FAT2: variants seen among roughly 807,000 people sequenced by gnomAD.
FAT2 encodes protocadherin Fat 2.
Under a neutral mutation model 295.3 loss-of-function variants are expected in FAT2, and 150 were observed. The ratio of observed to expected loss-of-function variants is 0.51; its 90% CI spans 0.44 to 0.58. The LOEUF is 0.58. Among genes scored for constraint, FAT2 ranks in the 20% least tolerant of loss-of-function variants. FAT2 has a pLI of 0.00. For missense variants in FAT2, 4,868 were observed against 5,442.7 expected (o/e 0.89, Z 3.32); for synonymous variants, 2,026 against 2,150.3 (o/e 0.94, Z 1.60).
intron 14 of FAT2, among the ~76,000 whole-genome samples, chr5:151,530,538 G>A (rs1011284499): frequency 7.2e-5 from 11 of 152,232 alleles, no homozygotes; most frequent in African/African-American, 2.7e-4. Context: ...AAATGTTAGA[G>A]ATTAAAGGAC....
At chr5:151,589,960 A>G (rs1292681362) in intron 1 of FAT2, among the ~76,000 whole-genome samples, 2 of 152,198 alleles carry the variant, frequency 1.3e-5, no homozygotes, top group Non-Finnish European at 2.9e-5. Context: ...TTTATTTTAT[A>G]TGTTCAGACA....
At chr5:151,537,626 A>G (rs564058145) in intron 12 of FAT2, among the ~76,000 whole-genome samples, 167 bp downstream of exon 12, 1 of 152,350 alleles carries the variant, frequency 6.6e-6, no homozygotes, top group Non-Finnish European at 1.5e-5. Flanking sequence ...TGTCTTATCA[A>G]TCTATTTATT....
intron 19 of FAT2, among the ~76,000 whole-genome samples, chr5:151,518,653 G>A (rs956427938): frequency 1.3e-5 from 2 of 152,208 alleles, no homozygotes; most frequent in African/African-American, 2.4e-5. Context: ...GTGATAGACT[G>A]TATGGCCAAA....
intron 20 of FAT2, among the ~76,000 whole-genome samples, chr5:151,516,503 G>A (rs996410352): frequency 3.2e-4 from 49 of 152,224 alleles, no homozygotes; most frequent in South Asian, 4.1e-4. Flanking sequence ...GCGACAGAGT[G>A]AGACTCTGTC....
rs962460594 is a variant in FAT2, at chr5:151,512,890, C to T, written c.11464-284G>A. 6.8e-6 allele frequency: 3 copies of T among 438,416 alleles called. No homozygotes were observed. The highest frequency in any genetic ancestry group is 1.2e-5 in the Non-Finnish European group (3 of 241,204). 27.2% of individuals were successfully genotyped at this position (438,416 alleles called of 1,614,324 possible). On this transcript the variant is annotated intron_variant, in intron 20 of 23. Coordinates refer to ENST00000261800, the MANE Select transcript of FAT2 (RefSeq NM_001447.3). This position sits in a 1 kb window ranked among gnomAD's most constrained non-coding sequence, Gnocchi z 4.1. ...CGAGAGATGCTTTGCTGATCAAGAC[C>T]CTGTATTTTGGATGCTTCTTCACAG...
chr5:151,546,207 C>G lies in FAT2; in HGVS notation c.4920G>C (p.Trp1640Cys), dbSNP rs766429857. 4 of 1,614,022 alleles carry G rather than the reference C, an allele frequency of 2.5e-6. No individual in the cohort carries two copies. The highest frequency in any genetic ancestry group is 2.5e-6 in the Non-Finnish European group (3 of 1,180,038). Reference sequence around the variant, plus strand: ...GAATGATCACTGTAGCCAGGTCATGCCATTGTGGGGAGCCTTGATCTTCTG... The same window carrying G: ...GAATGATCACTGTAGCCAGGTCATGGCATTGTGGGGAGCCTTGATCTTCTG... ...VKAEDQGSPQ[W>C]HDLATVIIHV... Residue 1640 changes from tryptophan to cysteine, a missense_variant, in exon 10 of 24, where the codon TGG becomes TGC. This residue lies in a region of FAT2 where 3,297 missense variants were observed against 3,669.4 expected (regional missense o/e 0.90). Coordinates refer to ENST00000261800, the MANE Select transcript of FAT2 (RefSeq NM_001447.3).
At chr5:151,555,367 CTTTTT>C (rs912481589) in intron 4 of FAT2, among the ~76,000 whole-genome samples, 1 of 123,108 alleles carries the variant, frequency 8.1e-6, no homozygotes, top group Non-Finnish European at 1.7e-5. Context: ...TAATATATTT[CTTTTT>C]TTTTTTTTTT....
chr5:151,527,903 T>C (rs568133335), intron 16 of FAT2, 93 bp downstream of exon 16: 125 of 1,490,274 alleles, frequency 8.4e-5, no homozygotes, highest in Non-Finnish European at 1.1e-4. Flanking sequence ...AGTTTCAGGA[T>C]GGGGTCTTGA....
intron 3 of FAT2, among the ~76,000 whole-genome samples, chr5:151,558,597 G>A (rs1400999350): frequency 6.6e-6 from 1 of 151,650 alleles, no homozygotes; most frequent in East Asian, 1.9e-4. Flanking sequence ...GGGCAACAGA[G>A]CGAGACTCCT....
chr5:151,582,840 G>T (rs1226213431), intron 1 of FAT2, among the ~76,000 whole-genome samples: 1 of 152,142 alleles, frequency 6.6e-6, no homozygotes, highest in Non-Finnish European at 1.5e-5. Context: ...TCCTCTGTAG[G>T]TGGTCTGCTG....
In FAT2 at chr5:151,568,526, C is replaced by T. The variant is rs1332748566; in HGVS notation, c.406G>A (p.Val136Ile). Residue 136 changes from valine to isoleucine, a missense_variant, in exon 2 of 24, where the codon GTC (valine) becomes ATC (isoleucine). Around this residue, in one of 5 missense-constraint regions of FAT2, gnomAD observed 3,297 missense variants for 3,669.4 expected, o/e 0.90. Transcript: ENST00000261800. ...AGGTCATTCTGGTCCAGGATGTGGA[C>T]CACCACACGGGTCAAAGCTTCCAAC... is the stretch of plus-strand genomic sequence containing the variant. ...LELEALTRVV[V>I]HILDQNDLKP... The T allele has an allele frequency of 1.2e-6, 2 of 1,613,906 alleles. No individual in the cohort carries two copies. Among genetic ancestry groups the T allele is most frequent in the African/African-American group, 2.7e-5 (2 of 74,880 alleles).
rs1412565659 is a variant in FAT2 at position 151,551,428 on chromosome 5, C to T, written c.4296+39G>A. 3.1e-6 allele frequency: 5 copies of T among 1,601,626 alleles called. No individual in the cohort carries two copies. The African/African-American group carries it at 6.7e-5, about 21-fold the overall frequency. On this transcript the variant is annotated intron_variant, in intron 7 of 23. Coordinates refer to ENST00000261800, the MANE Select transcript of FAT2 (RefSeq NM_001447.3). ...CATCCCAACCAAGAAGGCCTTCCAT[C>T]TCCTCTCAATACAGGGGTCCCCAGC...
intron 1 of FAT2, among the ~76,000 whole-genome samples, chr5:151,572,981 A>G (rs1020625528): frequency 6.6e-6 from 1 of 152,274 alleles, no homozygotes; most frequent in South Asian, 2.1e-4. Context: ...AAGAGGGCAC[A>G]CATGCATACT....
rs1754209626 is a variant in FAT2, at chr5:151,528,089, G to C, written c.10071C>G (p.Thr3357=). The change falls in exon 16 of 24, where the codon ACC becomes ACG. Residue 3357 remains threonine (T), a synonymous_variant. Coordinates refer to ENST00000261800, the MANE Select transcript of FAT2 (RefSeq NM_001447.3). ...DEDGPLNSDI[T]YSLIGGNQLG... ...GCTGGTTCCCTCCTATGAGGCTATAGGTAATGTCACTATTTAGGGGTCCAT... is the reference window on the plus strand; with the variant it reads ...GCTGGTTCCCTCCTATGAGGCTATACGTAATGTCACTATTTAGGGGTCCAT... The C allele has an allele frequency of 1.9e-6, 3 of 1,614,190 alleles. No homozygotes were observed. The highest frequency in any genetic ancestry group is 2.5e-6 in the Non-Finnish European group (3 of 1,180,032).
Position 151,566,928 on chromosome 5 carries a change from T to C in FAT2, c.2004A>G (p.Val668=), listed in dbSNP as rs1033690438. ...TCAATACCCCTGTTTTATCACATGT[T>C]ACAGGAACTTCAAAATGAGGGTCCT... ...VVKDPHFEVP[V]TCDKTGVLTQ... is the part of the protein sequence containing the mutation. Residue 668 remains valine (V), a synonymous_variant, in exon 2 of 24, where the codon GTA becomes GTG. Transcript: ENST00000261800. 1.9e-6 allele frequency: 3 copies of C among 1,614,054 alleles called. No homozygotes were observed. The highest frequency in any genetic ancestry group is 2.5e-6 in the Non-Finnish European group (3 of 1,180,032).
chr5:151,584,599 G>T (rs149906713), intron 1 of FAT2, among the ~76,000 whole-genome samples: 1 of 152,272 alleles, frequency 6.6e-6, no homozygotes, highest in African/African-American at 2.4e-5. Context: ...CAGTATAATA[G>T]TAACGTTGAT....
chr5:151,511,673 A>G (rs1761333818), intron 21 of FAT2: 1 of 162,004 alleles, frequency 6.2e-6, no homozygotes, highest in Non-Finnish European at 1.4e-5. Context: ...CAGCATTGAC[A>G]GATCTTAAAA....
intron 11 of FAT2, among the ~76,000 whole-genome samples, chr5:151,539,072 C>T (rs1446241738): frequency 2.0e-5 from 3 of 152,074 alleles, no homozygotes; most frequent in African/African-American, 7.2e-5. Flanking sequence ...TGATCTCAGC[C>T]TCTCCAAGCA....
At position 151,512,324 on chromosome 5, in the gene FAT2, C is replaced by T. The variant is rs1761387992; in HGVS notation, c.11746G>A (p.Val3916Ile). 5 of 1,614,126 alleles carry T rather than the reference C, an allele frequency of 3.1e-6. No individual in the cohort carries two copies. Among genetic ancestry groups the T allele is most frequent in the Non-Finnish European group, 4.2e-6 (5 of 1,180,054 alleles). Residue 3916 changes from valine (V) to isoleucine (I), a missense_variant, in exon 21 of 24, where the codon GTC becomes ATC. Physicochemically the swap from Val to Ile is conservative, Grantham distance 29. Coordinates refer to ENST00000261800, the MANE Select transcript of FAT2 (RefSeq NM_001447.3). The surrounding 1 kb of genome is among the most constrained non-coding windows in gnomAD (Gnocchi z 4.1). ...TCTAGAGCCTCTTCGTTGACCACGACAGCATCCAGGCAGCCTTCAAAGCCC... is the reference window on the plus strand; with the variant it reads ...TCTAGAGCCTCTTCGTTGACCACGATAGCATCCAGGCAGCCTTCAAAGCCC... ...SQGFEGCLDA[V>I]VVNEEALDLL...
Sources: gnomAD v4.1 joint callset for allele counts (sites outside exome capture counted in the v4.1 genomes callset) on GRCh38, gnomAD v4.1.1 for gene constraint, gnomAD v4.1.1 regional missense constraint, Gnocchi (gnomAD v3.1) non-coding constraint, MANE v1.5 for transcripts, NCBI Gene and HGNC (gene_info 2026-07-23, HGNC 2026-07-21) for gene names.